Variants in ATF7 observed in about 807,000 individuals in gnomAD.
The protein encoded by ATF7 is activating transcription factor 7.
In ATF7, 10 loss-of-function variants were observed where a neutral mutation model predicts 50.4. The observed-to-expected ratio is 0.20, with a 90% CI of 0.12 to 0.34. The LOEUF (loss-of-function observed/expected upper bound fraction) is 0.34, where lower values mean the gene tolerates loss of function less well. ATF7 is among the 10% of genes least tolerant of loss of function. The pLI, the probability that ATF7 is intolerant of heterozygous loss-of-function variation, is 1.00. For missense variants in ATF7, 465 were observed against 613.9 expected (o/e 0.76, Z 2.56); for synonymous variants, 201 against 226.4 (o/e 0.89, Z 1.01).
intron 1 of ATF7, among the ~76,000 whole-genome samples, chr12:53,605,824 T>TA (rs1383608799): frequency 1.3e-5 from 2 of 152,242 alleles, no homozygotes; most frequent in Non-Finnish European, 2.9e-5. Flanking sequence ...AGGAAGCCTT[T>TA]CTTCTCACAA....
chr12:53,529,710 T>TACACACACACACACACACACACACAC (rs796404325), intron 9 of ATF7, among the ~76,000 whole-genome samples: 8 of 132,248 alleles, frequency 6.0e-5, no homozygotes, highest in African/African-American at 2.1e-4. Context: ...TATATACACA[T>TACACACACACACACACACACACACAC]ACACACACAC....
intron 2 of ATF7, among the ~76,000 whole-genome samples, chr12:53,596,874 A>C (rs1943179603): frequency 6.6e-6 from 1 of 152,200 alleles, no homozygotes; most frequent in Non-Finnish European, 1.5e-5. Flanking sequence ...AATAGATGCT[A>C]TCTTATAAAC....
intron 5 of ATF7, among the ~76,000 whole-genome samples, chr12:53,535,171 T>G (rs1282687411): frequency 6.6e-6 from 1 of 152,046 alleles, no homozygotes; most frequent in African/African-American, 2.4e-5. Context: ...CTTCTTAAGA[T>G]CTTAGACTGC....
intron 11 of ATF7, chr12:53,517,698 T>C (rs1485858574): frequency 3.5e-6 from 1 of 286,548 alleles, no homozygotes. Flanking sequence ...TTTTAAGAGA[T>C]AGGGTCTCAA....
intron 3 of ATF7, among the ~76,000 whole-genome samples, chr12:53,544,912 T>C (rs1000811545): frequency 2.0e-4 from 30 of 151,164 alleles, no homozygotes; most frequent in African/African-American, 7.1e-4. Context: ...TTCTCAAAAA[T>C]AGTTTTAAAA....
At chr12:53,567,880 A>G (rs1941531069) in intron 2 of ATF7, among the ~76,000 whole-genome samples, 1 of 152,228 alleles carries the variant, frequency 6.6e-6, no homozygotes, top group Admixed American at 6.5e-5. Context: ...TGTTGACATT[A>G]TACATTTCTA....
chr12:53,616,642 A>G (rs1248025641), intron 1 of ATF7, among the ~76,000 whole-genome samples: 1 of 152,166 alleles, frequency 6.6e-6, no homozygotes, highest in Non-Finnish European at 1.5e-5. Context: ...TAAAATTGCC[A>G]AAAGATGAGA....
intron 2 of ATF7, among the ~76,000 whole-genome samples, chr12:53,557,663 C>T (rs115450684): frequency 5.9e-5 from 9 of 152,308 alleles, no homozygotes; most frequent in African/African-American, 2.2e-4. Context: ...AATACAAAAT[C>T]AGGACAGTTT....
intron 2 of ATF7, among the ~76,000 whole-genome samples, chr12:53,555,918 C>A (rs902625201): frequency 6.6e-6 from 1 of 151,952 alleles, no homozygotes; most frequent in Non-Finnish European, 1.5e-5. Flanking sequence ...CGGGTTCAAG[C>A]GATTCTCCTG....
intron 3 of ATF7, among the ~76,000 whole-genome samples, chr12:53,546,375 A>AAAAAAACAAAAAAAC (rs1555218469): frequency 6.6e-6 from 1 of 150,496 alleles, no homozygotes; most frequent in East Asian, 1.9e-4. Flanking sequence ...ACCTGTCTCA[A>AAAAAAACAAAAAAAC]AAAAAACAAA....
At chr12:53,510,455 G>A (rs1025396652), downstream of ATF7, among the ~76,000 whole-genome samples, 4 of 152,344 alleles carry the variant, frequency 2.6e-5, no homozygotes, top group Non-Finnish European at 4.4e-5. Context: ...GAGGTCCAGA[G>A]GAGCAGCGGT....
At chr12:53,604,866 T>C (rs1943539522) in intron 1 of ATF7, among the ~76,000 whole-genome samples, 1 of 152,098 alleles carries the variant, frequency 6.6e-6, no homozygotes, top group African/African-American at 2.4e-5. Flanking sequence ...CTAGGCAAAG[T>C]GGATATAAAA....
intron 2 of ATF7, among the ~76,000 whole-genome samples, chr12:53,577,593 G>A (rs1457960483): frequency 1.3e-5 from 2 of 151,794 alleles, no homozygotes; most frequent in African/African-American, 4.8e-5. Context: ...GCGGGCGCCT[G>A]TAATCCCAGC....
At chr12:53,587,837 ATATATATTT>A (rs1364214838) in intron 2 of ATF7, among the ~76,000 whole-genome samples, 5 of 49,282 alleles carry the variant, frequency 1.0e-4, no homozygotes, top group African/African-American at 1.6e-4. Context: ...ATATATATAT[ATATATATTT>A]TTTTTTTTTT....
chr12:53,533,232 G>T lies in ATF7; in HGVS notation c.588C>A (p.Val196=), dbSNP rs1405118867. The change falls in exon 7 of 12, where the codon GTC becomes GTA. Residue 196 remains valine, a synonymous_variant. Coordinates refer to ENST00000420353, the MANE Select transcript of ATF7 (RefSeq NM_006856.3). ...TGGTCTGTCCATTAGCAAGATGCAT[G>T]ACAAGAGGGAGGGAGCCAGTGGGAG... is the stretch of plus-strand genomic sequence containing the variant. ...MGSPTGSLPL[V]MHLANGQTMP... is the part of the protein sequence containing the mutation. 4 of 1,613,700 alleles carry T rather than the reference G, an allele frequency of 2.5e-6. No individual in the cohort carries two copies. In the African/African-American group the frequency reaches 5.3e-5, roughly 22 times the overall value.
At chr12:53,542,172 T>C (rs1939605088) in intron 4 of ATF7, among the ~76,000 whole-genome samples, 1 of 147,038 alleles carries the variant, frequency 6.8e-6, no homozygotes, top group East Asian at 2.1e-4. Flanking sequence ...ACGCCTGTAA[T>C]CCCAGCCCTT....
chr12:53,606,343 G>T (rs151036497), intron 1 of ATF7, among the ~76,000 whole-genome samples: 7 of 152,036 alleles, frequency 4.6e-5, no homozygotes, highest in African/African-American at 1.7e-4. Flanking sequence ...CTGCCTCCCG[G>T]ATTCAAGCGA....
At position 53,546,870 on chromosome 12, in the gene ATF7, A is replaced by G. The variant is rs535109959; in HGVS notation, c.146-3422T>C. 3.4e-5 allele frequency among the ~76,000 whole-genome samples: 5 copies of G among 145,106 alleles called. No homozygotes were observed. The South Asian group carries it at 1.1e-3, about 32-fold the overall frequency. On this transcript the variant is annotated intron_variant, in intron 3 of 11. Coordinates refer to ENST00000420353, the MANE Select transcript of ATF7 (RefSeq NM_006856.3). ...CCTCCTAGGCTCAAGTGATCCTCCC[A>G]CCTCAGCCTCCCAAGTAGCTGGGAC...
chr12:53,579,220 G>C (rs183014300), intron 2 of ATF7, among the ~76,000 whole-genome samples: 1 of 152,114 alleles, frequency 6.6e-6, no homozygotes, highest in African/African-American at 2.4e-5. Flanking sequence ...CTCCAGCCTG[G>C]GAGACAGAGC....
Sources: gnomAD v4.1 joint callset for allele counts (sites outside exome capture counted in the v4.1 genomes callset) on GRCh38, gnomAD v4.1.1 for gene constraint, MANE v1.5 for transcripts, NCBI Gene and HGNC (gene_info 2026-07-23, HGNC 2026-07-21) for gene names.